Variants in DNAJC12 observed in about 807,000 individuals in gnomAD.
The protein encoded by DNAJC12 is dnaJ homolog subfamily C member 12.
Under a neutral mutation model 28.5 loss-of-function variants are expected in DNAJC12, and 25 were observed. That is an observed-to-expected ratio of 0.88 (90% CI 0.64 to 1.22). DNAJC12 has a LOEUF of 1.22. Among genes scored for constraint, DNAJC12 ranks in the 50% most tolerant of loss-of-function variants. DNAJC12 has a pLI of 0.00. For synonymous variants in DNAJC12, 77 were observed against 80.6 expected (o/e 0.95, Z 0.24); for missense variants, 222 against 231.7 (o/e 0.96, Z 0.27).
chr10:67,834,097 A>G (rs1001152512), intron 1 of DNAJC12: 3 of 457,128 alleles, frequency 6.6e-6, no homozygotes, highest in African/African-American at 4.1e-5. Flanking sequence ...AAGTAAATGT[A>G]TGATGAATTT....
At chr10:67,831,678 C>A (rs1013972525) in intron 1 of DNAJC12, among the ~76,000 whole-genome samples, 5 of 152,182 alleles carry the variant, frequency 3.3e-5, no homozygotes, top group African/African-American at 1.2e-4. Context: ...CTTAATTGTT[C>A]TCAAATTGTT....
intron 3 of DNAJC12, 42 bp from the exon 4 acceptor site, chr10:67,805,829 T>C (rs1334444197): frequency 1.5e-5 from 22 of 1,437,540 alleles, no homozygotes; most frequent in Non-Finnish European, 1.9e-5. Flanking sequence ...TAAATTGATA[T>C]TATATGATTT....
chr10:67,819,757 A>AGGAGGGAG (rs1564863506), intron 2 of DNAJC12, among the ~76,000 whole-genome samples: 1 of 16,090 alleles, frequency 6.2e-5, no homozygotes, highest in African/African-American at 1.9e-4. Context: ...GAAGGAAGGA[A>AGGAGGGAG]GGAAGGAAGG....
At chr10:67,815,896 GA>G (rs1841911520) in intron 2 of DNAJC12, 1 of 391,584 alleles carries the variant, frequency 2.6e-6, no homozygotes, top group Non-Finnish European at 4.5e-6. Context: ...TAAGCAGAAA[GA>G]AAAAAGAAAC....
chr10:67,800,096 A>G (rs796093821), intron 4 of DNAJC12, among the ~76,000 whole-genome samples: 32 of 151,082 alleles, frequency 2.1e-4, no homozygotes, highest in African/African-American at 7.3e-4. Flanking sequence ...GGTGGTGCAC[A>G]CCTGCAGTCC....
chr10:67,811,795 A>C, intron 2 of DNAJC12, 132 bp from the exon 3 acceptor site: 1 of 1,449,612 alleles, frequency 6.9e-7, no homozygotes, highest in Admixed American at 2.7e-5. Context: ...AATTTACCTC[A>C]TTAAGCTTTT....
chr10:67,832,696 A>G (rs1053737497), intron 1 of DNAJC12, among the ~76,000 whole-genome samples: 1 of 152,232 alleles, frequency 6.6e-6, no homozygotes, highest in African/African-American at 2.4e-5. Flanking sequence ...TAACTGTTAC[A>G]GGCAAGATCC....
intron 1 of DNAJC12, among the ~76,000 whole-genome samples, chr10:67,824,776 C>T (rs1300775142): frequency 1.3e-5 from 2 of 151,894 alleles, no homozygotes; most frequent in Non-Finnish European, 2.9e-5. Flanking sequence ...CTCTGTCACC[C>T]AGTCTGGAGT....
chr10:67,829,585 G>C (rs973487050), intron 1 of DNAJC12, among the ~76,000 whole-genome samples: 2 of 152,174 alleles, frequency 1.3e-5, no homozygotes, highest in Non-Finnish European at 2.9e-5. Flanking sequence ...AGCTTGCAGT[G>C]AGCCGAGATT....
At chr10:67,802,687 T>C (rs905544909) in intron 4 of DNAJC12, among the ~76,000 whole-genome samples, 7 of 152,214 alleles carry the variant, frequency 4.6e-5, no homozygotes. Context: ...ATCTACACTG[T>C]GGAATGTTAT....
rs546554729 is a variant in DNAJC12 at position 67,816,842 on chromosome 10, G to A, written c.158-5179C>T. The stretch of plus-strand genomic sequence containing the variant: ...GATTATAGGTGTGAGCCATCACACC[G>A]GCCTTAAGTCTACTTTCTTCATGGC... On this transcript the variant is annotated intron_variant, in intron 2 of 4. Transcript: ENST00000225171. Among the ~76,000 whole-genome samples the A allele has an allele frequency of 7.2e-5, 11 of 152,024 alleles. No individual in the cohort carries two copies. In the South Asian group the frequency reaches 1.0e-3, roughly 14 times the overall value.
intron 1 of DNAJC12, chr10:67,834,119 T>C: frequency 4.5e-6 from 2 of 449,120 alleles, no homozygotes; most frequent in Non-Finnish European, 9.1e-6. Context: ...AAGTTCATTT[T>C]AGTTTATGTA....
chr10:67,806,353 A>G lies in DNAJC12; in HGVS notation c.298-566T>C, dbSNP rs537342101. Among the ~76,000 whole-genome samples the G allele has an allele frequency of 1.9e-3, 285 of 152,244 alleles. 3 individuals are homozygous for G. In the Middle Eastern group the frequency reaches 0.024, roughly 13 times the overall value. ...CTAGCTCTCTGCCCTAATCAAATCA[A>G]AGAAGTCATTTATTCCCACCTTCAA... On this transcript the variant is annotated intron_variant, in intron 3 of 4. Coordinates refer to ENST00000225171, the MANE Select transcript of DNAJC12 (RefSeq NM_021800.3).
intron 4 of DNAJC12, among the ~76,000 whole-genome samples, chr10:67,797,846 CT>C: frequency 6.6e-6 from 1 of 152,058 alleles, no homozygotes; most frequent in South Asian, 2.1e-4. Context: ...CAAGACCATC[CT>C]GGCTAACACG....
chr10:67,800,516 C>A (rs1841731880), intron 4 of DNAJC12, among the ~76,000 whole-genome samples: 1 of 152,230 alleles, frequency 6.6e-6, no homozygotes, highest in Non-Finnish European at 1.5e-5. Flanking sequence ...TGCTGATTTG[C>A]TGCCAAGTAG....
At chr10:67,811,908 C>G (rs571855840) in intron 2 of DNAJC12, among the ~76,000 whole-genome samples, 20 of 152,134 alleles carry the variant, frequency 1.3e-4, no homozygotes, top group Admixed American at 4.6e-4. Flanking sequence ...GAGGCTACTC[C>G]CGGTGCTGAT....
At chr10:67,837,673 A>G (rs1842153276) in intron 1 of DNAJC12, among the ~76,000 whole-genome samples, 1 of 152,208 alleles carries the variant, frequency 6.6e-6, no homozygotes, top group Admixed American at 6.5e-5. Context: ...CTATATTGTG[A>G]AACAGCATAT....
At chr10:67,818,791 G>A (rs1354542263) in intron 2 of DNAJC12, among the ~76,000 whole-genome samples, 4 of 152,018 alleles carry the variant, frequency 2.6e-5, no homozygotes, top group Admixed American at 2.0e-4. Context: ...AAGTAGCTGG[G>A]ATTACAGGCA....
intron 2 of DNAJC12, among the ~76,000 whole-genome samples, chr10:67,814,175 A>T (rs1406257132): frequency 6.6e-6 from 1 of 152,186 alleles, no homozygotes; most frequent in African/African-American, 2.4e-5. Flanking sequence ...TTATAAATGG[A>T]ATAGAATTGA....
Sources: gnomAD v4.1 joint callset for allele counts (sites outside exome capture counted in the v4.1 genomes callset) on GRCh38, gnomAD v4.1.1 for gene constraint, MANE v1.5 for transcripts, NCBI Gene and HGNC (gene_info 2026-07-23, HGNC 2026-07-21) for gene names.